The following OR4F3 variants were observed in gnomAD, a reference collection of about 807,000 sequenced individuals.
The protein encoded by OR4F3 is olfactory receptor family 4 subfamily F member 3, also known as olfactory receptor 4F3/4F16/4F29.
At chr5:181,355,740 G>A in the OR4F3 span, among the ~76,000 whole-genome samples, 1 of 131,582 alleles carries the variant, frequency 7.6e-6, no homozygotes, top group Non-Finnish European at 1.6e-5. Flanking sequence ...AATATGAAGA[G>A]CTCATTTGTT....
chr5:181,356,598 G>A, the OR4F3 span, among the ~76,000 whole-genome samples: 26 of 134,456 alleles, frequency 1.9e-4, 5 homozygotes, highest in African/African-American at 7.1e-4. Context: ...CTGGCCTCGC[G>A]GAGCAGATTG....
chr5:181,359,114 T>C, the OR4F3 span, among the ~76,000 whole-genome samples: 2 of 128,236 alleles, frequency 1.6e-5, 1 homozygote, highest in Non-Finnish European at 3.3e-5. Context: ...TTTTCTATAA[T>C]TTAGGGAAGT....
At chr5:181,358,253 T>C in the OR4F3 span, among the ~76,000 whole-genome samples, 1 of 130,636 alleles carries the variant, frequency 7.7e-6, no homozygotes, top group African/African-American at 3.2e-5. Flanking sequence ...AGTATTTTTA[T>C]AAAGGTCATC....
chr5:181,363,958 C>CA (rs1304792178), upstream of OR4F3, among the ~76,000 whole-genome samples: 2 of 70,788 alleles, frequency 2.8e-5, no homozygotes, highest in Non-Finnish European at 4.8e-5. Flanking sequence ...GAGTCAAACT[C>CA]AGTAGCATCC....
chr5:181,356,895 A>G, the OR4F3 span, among the ~76,000 whole-genome samples: 1 of 132,744 alleles, frequency 7.5e-6, no homozygotes, highest in East Asian at 2.0e-4. Flanking sequence ...AAAAATACTA[A>G]TAGGGTAAAT....
the OR4F3 span, among the ~76,000 whole-genome samples, chr5:181,356,499 CTTCCACTACTTAT>C: frequency 1.5e-5 from 2 of 132,084 alleles, no homozygotes; most frequent in Non-Finnish European, 3.2e-5. Flanking sequence ...TAGGAAGCAT[CTTCCACTACTTAT>C]TTCAGCATTA....
the OR4F3 span, among the ~76,000 whole-genome samples, chr5:181,359,132 AGGAG>A: frequency 1.5e-5 from 2 of 130,220 alleles, no homozygotes; most frequent in Admixed American, 7.4e-5. Context: ...AGTTTGATGT[AGGAG>A]GAAGAGAAAA....
At chr5:181,360,660 A>T in the OR4F3 span, among the ~76,000 whole-genome samples, 2 of 122,044 alleles carry the variant, frequency 1.6e-5, no homozygotes, top group African/African-American at 7.1e-5. Context: ...ATCCCACTTG[A>T]TCTTCTGCCA....
upstream of OR4F3, among the ~76,000 whole-genome samples, chr5:181,362,448 G>A (rs1761077677): frequency 1.6e-5 from 2 of 123,384 alleles, 1 homozygote; most frequent in South Asian, 5.1e-4. Context: ...TCAAGGAAAG[G>A]GCGTAGCGTG....
At chr5:181,363,906 G>A (rs1362127817), upstream of OR4F3, among the ~76,000 whole-genome samples, 5 of 81,010 alleles carry the variant, frequency 6.2e-5, no homozygotes, top group Admixed American at 1.0e-4. Context: ...GTCAAAGTCC[G>A]TAGCATCCCC....
At chr5:181,362,473 C>A (rs1761077918), upstream of OR4F3, among the ~76,000 whole-genome samples, 1 of 124,104 alleles carries the variant, frequency 8.1e-6, no homozygotes, top group Non-Finnish European at 1.6e-5. Context: ...GAGGACAAAA[C>A]TTCTTCCTGC....
At chr5:181,363,876 C>T (rs1369900577), upstream of OR4F3, among the ~76,000 whole-genome samples, 3 of 86,336 alleles carry the variant, frequency 3.5e-5, 1 homozygote, top group African/African-American at 2.5e-4. Context: ...CTTTCTCTCC[C>T]CCGTTAAATG....
At chr5:181,359,519 A>G in the OR4F3 span, among the ~76,000 whole-genome samples, 3 of 108,158 alleles carry the variant, frequency 2.8e-5, no homozygotes, top group Non-Finnish European at 5.0e-5. Context: ...ATAAAGATGT[A>G]AAGTATCATC....
At chr5:181,363,863 G>T (rs1267076934), upstream of OR4F3, among the ~76,000 whole-genome samples, 11 of 87,640 alleles carry the variant, frequency 1.3e-4, 4 homozygotes, top group Non-Finnish European at 2.1e-4. Context: ...AGAAGCAACT[G>T]CCCTTTCTCT....
At chr5:181,357,292 T>C in the OR4F3 span, among the ~76,000 whole-genome samples, 3 of 134,082 alleles carry the variant, frequency 2.2e-5, no homozygotes, top group African/African-American at 9.6e-5. Context: ...ACTATCTTTC[T>C]CTTCTTATTT....
chr5:181,362,635 G>A (rs1289144529), upstream of OR4F3, among the ~76,000 whole-genome samples: 36 of 115,220 alleles, frequency 3.1e-4, 6 homozygotes, highest in Non-Finnish European at 5.0e-4. Context: ...GAGAATCAGG[G>A]AGTATTTAAA....
At chr5:181,360,802 C>T in the OR4F3 span, among the ~76,000 whole-genome samples, 1 of 131,552 alleles carries the variant, frequency 7.6e-6, no homozygotes, top group South Asian at 2.3e-4. Context: ...TTATTGATTC[C>T]TTTTCCTACT....
chr5:181,358,261 A>G, the OR4F3 span, among the ~76,000 whole-genome samples: 2 of 130,886 alleles, frequency 1.5e-5, no homozygotes, highest in Non-Finnish European at 3.2e-5. Flanking sequence ...TATAAAGGTC[A>G]TCATGTTTTA....
chr5:181,357,367 C>T, the OR4F3 span, among the ~76,000 whole-genome samples: 3 of 131,114 alleles, frequency 2.3e-5, no homozygotes, highest in Admixed American at 7.2e-5. Context: ...TGTTCTTTAA[C>T]CGCAAACCCC....
Sources: allele counts gnomAD v4.1 joint callset (sites outside exome capture counted in the v4.1 genomes callset), GRCh38; gene constraint gnomAD v4.1.1; transcripts MANE v1.5; gene names NCBI Gene and HGNC (gene_info 2026-07-23, HGNC 2026-07-21).